CR1L: variants seen among roughly 807,000 people sequenced by gnomAD.
CR1L encodes the protein complement component receptor 1-like protein.
A neutral mutation model predicts 62.3 loss-of-function variants in CR1L; 59 were observed. That is an observed-to-expected ratio of 0.95 (90% CI 0.77 to 1.18). The LOEUF is 1.18. Ranked by LOEUF, CR1L falls within the 50% of genes most tolerant of loss-of-function variation. The pLI, the probability that CR1L is intolerant of heterozygous loss-of-function variation, is 0.00. For missense variants in CR1L, 700 were observed against 702.8 expected (o/e 1.00, Z 0.04); for synonymous variants, 279 against 248.7 (o/e 1.12, Z -1.15).
rs746392782 is a variant in CR1L, at chr1:207,723,696, C to G, written c.*11C>G. The G allele has an allele frequency of 6.5e-7, 1 of 1,532,194 alleles. No homozygotes were observed. Among genetic ancestry groups the G allele is most frequent in the Non-Finnish European group, 8.9e-7 (1 of 1,118,194 alleles). The allele number at this position is 1,532,194 out of a possible 1,614,324, so 94.9% of individuals were successfully genotyped here. A position where few individuals can be genotyped will look rare whatever the true frequency, so the allele number is the denominator to read the frequency against. On this transcript the variant is annotated 3_prime_UTR_variant, in exon 12 of 12. Coordinates refer to ENST00000508064, the MANE Select transcript of CR1L (RefSeq NM_175710.2). ...TTCTGTCATCTTTAACAGTAAGTAC[C>G]TACTTATAATGAATGCAATGTAGAA...
rs759215514 is a variant in CR1L at position 207,697,501 on chromosome 1, A to G, written c.863-2A>G. The G allele has an allele frequency of 1.9e-6, 3 of 1,613,796 alleles. No homozygotes were observed. The highest frequency in any genetic ancestry group is 3.3e-5 in the Admixed American group (2 of 60,012). On this transcript the variant is annotated splice_acceptor_variant, in intron 5 of 11. Coordinates refer to ENST00000508064, the MANE Select transcript of CR1L (RefSeq NM_175710.2). LOFTEE classifies it high-confidence loss of function. ...AGCAGTACTTTGTTTCTCTCTCCCC[A>G]GTATGTCAGCCACCTCCAGATGTCC... is the stretch of plus-strand genomic sequence containing the variant.
Position 207,678,200 on chromosome 1 carries a change from A to G in CR1L, c.280A>G (p.Lys94Glu), listed in dbSNP as rs945447006. The change falls in exon 3 of 12, where the codon AAA becomes GAA. Residue 94 changes from lysine (K) to glutamate (E), a missense_variant and splice_region_variant. Lys to Glu is a moderately conservative substitution (Grantham distance 56). Coordinates refer to ENST00000508064, the MANE Select transcript of CR1L (RefSeq NM_175710.2). Reference protein sequence around the residue: ...WTSAKDKCKRKSCRNPPDPVN... With the variant: ...WTSAKDKCKRESCRNPPDPVN... ...AAATTTCTGTTTCTTTCCTGTAGGT[A>G]AATCATGTCGTAATCCTCCAGATCC... is the stretch of plus-strand genomic sequence containing the variant. 3 of 1,613,450 alleles carry G rather than the reference A, an allele frequency of 1.9e-6. No homozygotes were observed. The African/African-American group carries it at 4.0e-5, about 22-fold the overall frequency.
intron 9 of CR1L, among the ~76,000 whole-genome samples, chr1:207,705,593 C>A (rs1664254340): frequency 6.6e-6 from 1 of 152,226 alleles, no homozygotes; most frequent in African/African-American, 2.4e-5. Flanking sequence ...GAGACCATAG[C>A]ACCTAGAATC....
chr1:207,704,796 T>C lies in CR1L; in HGVS notation c.1328+3178T>C, dbSNP rs1664244608. 2.0e-5 allele frequency among the ~76,000 whole-genome samples: 3 copies of C among 152,384 alleles called. No individual in the cohort carries two copies. In the South Asian group the frequency reaches 6.2e-4, roughly 32 times the overall value. On this transcript the variant is annotated intron_variant, in intron 9 of 11. Coordinates refer to ENST00000508064, the MANE Select transcript of CR1L (RefSeq NM_175710.2). ...TCACACTTAATAGACTATAGTATAT[T>C]ACAAACACAACTTTTAGACTCACTG... is the stretch of plus-strand genomic sequence containing the variant.
Position 207,691,408 on chromosome 1 carries a change from G to A in CR1L, c.464-2945G>A, listed in dbSNP as rs1340471518. ...AGCTTGTCTGTTATAAACATCATAT[G>A]GTAAAGTTTTGTTGTTTTATTCAGT... is the stretch of plus-strand genomic sequence containing the variant. On this transcript the variant is annotated intron_variant, in intron 4 of 11. Coordinates refer to ENST00000508064, the MANE Select transcript of CR1L (RefSeq NM_175710.2). Among the ~76,000 whole-genome samples the A allele has an allele frequency of 2.0e-5, 3 of 151,558 alleles. No homozygotes were observed. In the East Asian group the frequency reaches 5.8e-4, roughly 29 times the overall value.
chr1:207,696,957 G>T (rs1163727649), intron 5 of CR1L, among the ~76,000 whole-genome samples: 1 of 152,166 alleles, frequency 6.6e-6, no homozygotes, highest in Non-Finnish European at 1.5e-5. Flanking sequence ...GAAGGGAGGA[G>T]ACCCATAGTT....
chr1:207,707,630 A>G (rs1335494407), intron 9 of CR1L, among the ~76,000 whole-genome samples: 1 of 152,182 alleles, frequency 6.6e-6, no homozygotes, highest in Non-Finnish European at 1.5e-5. Context: ...TCCGTCTAAA[A>G]AAACAAACAA....
Position 207,694,516 on chromosome 1 carries a change from C to T in CR1L, c.627C>T (p.Ser209=), listed in dbSNP as rs1453384878. 1 of 1,613,488 alleles carries T rather than the reference C, an allele frequency of 6.2e-7. No individual in the cohort carries two copies. The highest frequency in any genetic ancestry group is 1.1e-5 in the South Asian group (1 of 91,072). ...LVGEPSIYCT[S]KDDQVGIWSG... ...GTGAGCCCTCCATATACTGCACCAGCAAAGATGATCAAGTGGGCATCTGGA... is the reference window on the plus strand; with the variant it reads ...GTGAGCCCTCCATATACTGCACCAGTAAAGATGATCAAGTGGGCATCTGGA... The change falls in exon 5 of 12, where the codon AGC becomes AGT. Residue 209 remains serine, a synonymous_variant. Transcript: ENST00000508064.
intron 7 of CR1L, among the ~76,000 whole-genome samples, chr1:207,698,745 A>G (rs955440119): frequency 3.9e-5 from 6 of 152,090 alleles, no homozygotes; most frequent in African/African-American, 1.4e-4. Context: ...TCACGCCATC[A>G]CAGATGTGGA....
Position 207,694,353 on chromosome 1 carries a change from G to C in CR1L, c.464G>C (p.Arg155Thr), listed in dbSNP as rs766301852. 8.7e-6 allele frequency: 14 copies of C among 1,613,780 alleles called. No individual in the cohort carries two copies. The highest frequency in any genetic ancestry group is 1.3e-5 in the African/African-American group (1 of 74,908). The change falls in exon 5 of 12, where the codon AGA becomes ACA. Residue 155 changes from arginine to threonine, a missense_variant and splice_region_variant. By Grantham distance (71) the Arg-to-Thr change is moderately conservative. Transcript: ENST00000508064. The stretch of plus-strand genomic sequence containing the variant: ...ATTGACTGTGCTCTTCCTTTCCCAG[G>C]AATTATTTGTGGGCTACCCCCCACC... ...IWDNKTPVCD[R>T]IICGLPPTIA...
chr1:207,700,023 TAA>T (rs956609213), intron 8 of CR1L, among the ~76,000 whole-genome samples: 1 of 152,150 alleles, frequency 6.6e-6, no homozygotes, highest in Non-Finnish European at 1.5e-5. Context: ...TCATAAATAA[TAA>T]GTCATTTTTT....
At chr1:207,650,642 C>G (rs1663208010) in intron 1 of CR1L, among the ~76,000 whole-genome samples, 1 of 152,176 alleles carries the variant, frequency 6.6e-6, no homozygotes, top group African/African-American at 2.4e-5. Flanking sequence ...GGTCAGGTTT[C>G]ATTGCCATTT....
chr1:207,662,492 C>T (rs1663441550), intron 1 of CR1L, among the ~76,000 whole-genome samples: 1 of 152,196 alleles, frequency 6.6e-6, no homozygotes, highest in African/African-American at 2.4e-5. Context: ...TAGTTTTCAG[C>T]TCCATCAGGT....
rs778657492 is a variant in CR1L, at chr1:207,694,721, T to C, written c.832T>C (p.Trp278Arg). The change falls in exon 5 of 12, where the codon TGG becomes CGG. Residue 278 changes from tryptophan (W) to arginine (R), a missense_variant. Coordinates refer to ENST00000508064, the MANE Select transcript of CR1L (RefSeq NM_175710.2). The stretch of plus-strand genomic sequence containing the variant: ...TGTGAAGTGCCAGGCCCTGAACAAA[T>C]GGGAGCCAGAGTTACCAAGCTGCTC... Reference protein sequence around the residue: ...SHVKCQALNKWEPELPSCSRV... With the variant: ...SHVKCQALNKREPELPSCSRV... The C allele has an allele frequency of 6.2e-7, 1 of 1,611,894 alleles. No homozygotes were observed. Among genetic ancestry groups the C allele is most frequent in the South Asian group, 1.1e-5 (1 of 90,990 alleles).
chr1:207,656,542 A>G (rs549227802), intron 1 of CR1L, among the ~76,000 whole-genome samples: 1 of 152,254 alleles, frequency 6.6e-6, no homozygotes, highest in East Asian at 1.9e-4. Flanking sequence ...AAGAGGTTTA[A>G]TTGGCTCGTG....
At chr1:207,721,314 G>C (rs1231857067) in intron 11 of CR1L, among the ~76,000 whole-genome samples, 10 of 151,036 alleles carry the variant, frequency 6.6e-5, no homozygotes, top group Non-Finnish European at 1.3e-4. Flanking sequence ...CTAGCATTAG[G>C]TATATCTCCC....
At chr1:207,706,339 T>C (rs1664267565) in intron 9 of CR1L, among the ~76,000 whole-genome samples, 1 of 151,734 alleles carries the variant, frequency 6.6e-6, no homozygotes, top group Non-Finnish European at 1.5e-5. Context: ...AAGGATCACC[T>C]CAGCCCGAGA....
intron 4 of CR1L, among the ~76,000 whole-genome samples, chr1:207,684,434 A>T (rs1663864157): frequency 6.6e-6 from 1 of 152,220 alleles, no homozygotes; most frequent in Admixed American, 6.5e-5. Context: ...ATTTATACTT[A>T]GGAAATAATC....
At chr1:207,703,558 G>A (rs1026234322) in intron 9 of CR1L, among the ~76,000 whole-genome samples, 5 of 152,364 alleles carry the variant, frequency 3.3e-5, no homozygotes, top group Non-Finnish European at 7.3e-5. Flanking sequence ...TCAGGCAAGA[G>A]CTCTGATGGA....
Sources: allele counts gnomAD v4.1 joint callset (sites outside exome capture counted in the v4.1 genomes callset), GRCh38; gene constraint gnomAD v4.1.1; transcripts MANE v1.5; gene names NCBI Gene and HGNC (gene_info 2026-07-23, HGNC 2026-07-21).